CHST8: variants seen among roughly 807,000 people sequenced by gnomAD.
CHST8 encodes the protein GALNAC-4-ST1.
In CHST8, 10 loss-of-function variants were observed where a neutral mutation model predicts 15.0. The ratio of observed to expected loss-of-function variants is 0.67; its 90% confidence interval spans 0.41 to 1.13. CHST8 has a LOEUF of 1.13. Ranked by LOEUF, CHST8 falls within the 50% of genes most tolerant of loss-of-function variation. The pLI is 0.00. For missense variants in CHST8, 634 were observed against 608.2 expected (o/e 1.04, Z -0.45); for synonymous variants, 259 against 256.6 (o/e 1.01, Z -0.09).
chr19:33,772,474 A>G lies in CHST8; in HGVS notation c.686A>G (p.Tyr229Cys). ...TADIQHNTVHYGSALKRLDTF... is the reference protein window; with the variant it reads ...TADIQHNTVHCGSALKRLDTF... ...GACATCCAGCACAACACCGTCCACT[A>G]TGGCAGCGCTCTCAAGCGCCTGGAC... is the stretch of plus-strand genomic sequence containing the variant. The change falls in exon 5 of 5, where the codon TAT becomes TGT. Residue 229 changes from tyrosine (Y) to cysteine (C), a missense_variant. Physicochemically the swap from Tyr to Cys is radical, Grantham distance 194. Transcript: ENST00000650847. 2.5e-6 allele frequency: 4 copies of G among 1,613,436 alleles called. No individual in the cohort carries two copies. The highest frequency in any genetic ancestry group is 3.4e-6 in the Non-Finnish European group (4 of 1,179,992).
chr19:33,623,446 C>G (rs1278910142), intron 1 of CHST8, among the ~76,000 whole-genome samples: 2 of 152,200 alleles, frequency 1.3e-5, no homozygotes, highest in East Asian at 1.9e-4. Context: ...GTGGGAGAGG[C>G]GTTGGGTGCA....
rs1345182492 is a variant in CHST8, at chr19:33,627,100, G to T, written c.-164+4804G>T. Reference sequence around the variant, plus strand: ...CCAGCATGCCTGTCCTCTTTTTTTGGGGGGGGGGCGGGTGGGGTGACGGAG... The same window carrying T: ...CCAGCATGCCTGTCCTCTTTTTTTGTGGGGGGGGCGGGTGGGGTGACGGAG... On this transcript the variant is annotated intron_variant, in intron 1 of 4. Coordinates refer to ENST00000650847, the MANE Select transcript of CHST8 (RefSeq NM_001127895.2). Among the ~76,000 whole-genome samples, 40 of 126,652 alleles carry T rather than the reference G, an allele frequency of 3.2e-4. 1 individual carries two copies. The highest frequency in any genetic ancestry group is 1.3e-3 in the East Asian group (5 of 3,772). The allele number at this position is 126,652 out of a possible 152,430, so 83.1% of individuals were successfully genotyped here.
chr19:33,691,218 G>A (rs1467189243), intron 3 of CHST8, among the ~76,000 whole-genome samples: 3 of 152,192 alleles, frequency 2.0e-5, no homozygotes, highest in African/African-American at 7.2e-5. Flanking sequence ...GGGACGGCTG[G>A]GATTTCTGGG....
intron 3 of CHST8, among the ~76,000 whole-genome samples, chr19:33,698,399 AAAAGAAAG>A (rs3073654): frequency 2.7e-4 from 37 of 135,862 alleles, no homozygotes; most frequent in African/African-American, 1.0e-3. Flanking sequence ...AAAAAAAAAA[AAAAGAAAG>A]AAAGAAAGAA....
At chr19:33,750,724 C>T (rs998897850) in intron 3 of CHST8, among the ~76,000 whole-genome samples, 4 of 152,220 alleles carry the variant, frequency 2.6e-5, no homozygotes, top group Admixed American at 6.5e-5. Context: ...CAAAGCCTCA[C>T]GGTTCTCTTA....
chr19:33,689,337 C>G lies in CHST8; in HGVS notation c.76C>G (p.Leu26Val). 6.2e-7 allele frequency: 1 copy of G among 1,609,744 alleles called. No individual in the cohort carries two copies. The highest frequency in any genetic ancestry group is 1.1e-5 in the South Asian group (1 of 90,524). ...SILLFGAAGLLLFISLQDPTE... is the reference protein window; with the variant it reads ...SILLFGAAGLVLFISLQDPTE... ...CCTGCTGTTCGGAGCTGCAGGCCTC[C>G]TCCTCTTCATCAGCCTGCAGGACCC... The change falls in exon 3 of 5, where the codon CTC becomes GTC. Residue 26 changes from leucine (L) to valine (V), a missense_variant. Transcript: ENST00000650847.
At chr19:33,717,332 G>A (rs545881223) in intron 3 of CHST8, among the ~76,000 whole-genome samples, 40 of 151,908 alleles carry the variant, frequency 2.6e-4, no homozygotes, top group Non-Finnish European at 4.0e-4. Flanking sequence ...GTGGTGGTGC[G>A]CGCCTGTAGT....
chr19:33,624,321 G>A (rs1434740765), intron 1 of CHST8, among the ~76,000 whole-genome samples: 3 of 152,194 alleles, frequency 2.0e-5, no homozygotes, highest in Non-Finnish European at 2.9e-5. Context: ...GAGGAGAGCA[G>A]GCTCGTCTGA....
intron 3 of CHST8, among the ~76,000 whole-genome samples, chr19:33,755,540 G>A (rs1974528844): frequency 1.3e-5 from 2 of 152,214 alleles, no homozygotes; most frequent in African/African-American, 4.8e-5. Context: ...ACACCTACCT[G>A]GCCCGCTCCT....
intron 1 of CHST8, among the ~76,000 whole-genome samples, chr19:33,645,005 C>G (rs2145204464): frequency 6.6e-6 from 1 of 152,272 alleles, no homozygotes; most frequent in Non-Finnish European, 1.5e-5. Context: ...GGTCATGACT[C>G]AAGGATGCTC....
At chr19:33,708,153 A>T (rs1973481888) in intron 3 of CHST8, among the ~76,000 whole-genome samples, 1 of 152,132 alleles carries the variant, frequency 6.6e-6, no homozygotes, top group African/African-American at 2.4e-5. Context: ...GTATTATTTG[A>T]CTTGCAAATA....
At chr19:33,726,002 T>G (rs1973890207) in intron 3 of CHST8, among the ~76,000 whole-genome samples, 1 of 152,232 alleles carries the variant, frequency 6.6e-6, no homozygotes, top group African/African-American at 2.4e-5. Flanking sequence ...GGGTGGGGCA[T>G]GAAGGTCATT....
At chr19:33,672,923 G>T (rs1972760474) in intron 2 of CHST8, among the ~76,000 whole-genome samples, 1 of 152,222 alleles carries the variant, frequency 6.6e-6, no homozygotes, top group African/African-American at 2.4e-5. Flanking sequence ...ATCACGTGGG[G>T]TGACGCTGTG....
chr19:33,626,405 C>G (rs1222238714), intron 1 of CHST8, among the ~76,000 whole-genome samples: 1 of 151,774 alleles, frequency 6.6e-6, no homozygotes. Context: ...ATTGCCAAAG[C>G]CACCTTTTAG....
At chr19:33,719,215 T>C (rs1218600915) in intron 3 of CHST8, among the ~76,000 whole-genome samples, 2 of 145,856 alleles carry the variant, frequency 1.4e-5, no homozygotes, top group African/African-American at 5.1e-5. Context: ...ACACCTCCCT[T>C]GATATAAGGC....
intron 3 of CHST8, among the ~76,000 whole-genome samples, chr19:33,722,289 G>A (rs1049198330): frequency 6.0e-5 from 9 of 150,698 alleles, no homozygotes; most frequent in Non-Finnish European, 1.0e-4. Flanking sequence ...ATGGACAGAC[G>A]GATGGAAAGA....
chr19:33,625,970 C>T lies in CHST8; in HGVS notation c.-164+3674C>T, dbSNP rs143566590. The stretch of plus-strand genomic sequence containing the variant: ...GCATGAGCAATCTGCATGGTGACAG[C>T]GTGGTGACAGTAGGCTGTTTGGTGC... On this transcript the variant is annotated intron_variant, in intron 1 of 4. Coordinates refer to ENST00000650847, the MANE Select transcript of CHST8 (RefSeq NM_001127895.2). 7.9e-5 allele frequency among the ~76,000 whole-genome samples: 12 copies of T among 152,182 alleles called. No individual in the cohort carries two copies. In the East Asian group the frequency reaches 2.1e-3, roughly 27 times the overall value.
chr19:33,650,865 T>C (rs1972439330), intron 1 of CHST8, among the ~76,000 whole-genome samples: 1 of 152,078 alleles, frequency 6.6e-6, no homozygotes, highest in African/African-American at 2.4e-5. Context: ...TGTGCCACCA[T>C]GCATGGCTAA....
chr19:33,728,970 A>T (rs1973949947), intron 3 of CHST8, among the ~76,000 whole-genome samples: 1 of 152,168 alleles, frequency 6.6e-6, no homozygotes, highest in Non-Finnish European at 1.5e-5. Context: ...GTCCTGCGGG[A>T]TGGGCTTGGA....
Sources: allele counts gnomAD v4.1 joint callset (sites outside exome capture counted in the v4.1 genomes callset), GRCh38; gene constraint gnomAD v4.1.1; transcripts MANE v1.5; gene names NCBI Gene and HGNC (gene_info 2026-07-23, HGNC 2026-07-21).